Variants in KCNK9 observed in about 807,000 individuals in gnomAD.
KCNK9 encodes potassium channel subfamily K member 9.
A neutral mutation model predicts 10.8 loss-of-function variants in KCNK9; 1 was observed. The ratio of observed to expected loss-of-function variants is 0.09; its 90% CI spans 0.03 to 0.44. The LOEUF (loss-of-function observed/expected upper bound fraction) is 0.44, where lower values mean the gene tolerates loss of function less well. Ranked by LOEUF, KCNK9 falls within the 20% of genes least tolerant of loss-of-function variation. The pLI is 0.97. For synonymous variants in KCNK9, 231 were observed against 222.7 expected (o/e 1.04, Z -0.33); for missense variants, 303 against 515.0 (o/e 0.59, Z 3.98).
At chr8:139,680,549 C>T (rs1204690315) in intron 1 of KCNK9, among the ~76,000 whole-genome samples, 1 of 152,198 alleles carries the variant, frequency 6.6e-6, no homozygotes, top group Non-Finnish European at 1.5e-5. Flanking sequence ...GCTGACGTGG[C>T]CTTCTGTGGC....
chr8:139,638,794 G>A (rs1563729005), intron 1 of KCNK9, among the ~76,000 whole-genome samples: 1 of 152,214 alleles, frequency 6.6e-6, no homozygotes, highest in Non-Finnish European at 1.5e-5. Flanking sequence ...TTCCCTGGGA[G>A]TCCCCAGGTT....
chr8:139,661,987 C>A (rs865827788), intron 1 of KCNK9, among the ~76,000 whole-genome samples: 9 of 152,152 alleles, frequency 5.9e-5, no homozygotes, highest in Admixed American at 3.3e-4. Flanking sequence ...GCTTGGGGAC[C>A]AAGGTGTGTC....
chr8:139,696,410 G>T (rs1385500957), intron 1 of KCNK9, among the ~76,000 whole-genome samples: 1 of 152,192 alleles, frequency 6.6e-6, no homozygotes, highest in Non-Finnish European at 1.5e-5. Context: ...GAAGTGATTG[G>T]GATTGGCTCA....
At chr8:139,644,154 A>G (rs1226915255) in intron 1 of KCNK9, among the ~76,000 whole-genome samples, 1 of 152,194 alleles carries the variant, frequency 6.6e-6, no homozygotes, top group African/African-American at 2.4e-5. Flanking sequence ...TATTGTCCCC[A>G]TCATCCCTGT....
intron 1 of KCNK9, among the ~76,000 whole-genome samples, chr8:139,685,391 T>C (rs1816767552): frequency 6.6e-6 from 1 of 152,214 alleles, no homozygotes; most frequent in Non-Finnish European, 1.5e-5. Context: ...CATCAACTCG[T>C]CGTTTACATT....
At chr8:139,650,622 T>C (rs1414788505) in intron 1 of KCNK9, among the ~76,000 whole-genome samples, 2 of 152,052 alleles carry the variant, frequency 1.3e-5, no homozygotes, top group Non-Finnish European at 2.9e-5. Flanking sequence ...CACTCCAGGG[T>C]CCCTGAGCAT....
At chr8:139,606,331 C>G (rs1306481639) in intron 2 of KCNK9, among the ~76,000 whole-genome samples, 1 of 152,128 alleles carries the variant, frequency 6.6e-6, no homozygotes, top group Non-Finnish European at 1.5e-5. Context: ...ACCCAGGTCC[C>G]CTTACTGCAC....
chr8:139,601,517 C>CTGAGGA (rs1235308435), exon 3 of KCNK9: 1 of 152,222 alleles, frequency 6.6e-6, no homozygotes, highest in East Asian at 1.9e-4. Context: ...TTAAGAGATG[C>CTGAGGA]TGAGGATCCA....
At chr8:139,615,504 G>A (rs1315601775), downstream of KCNK9, among the ~76,000 whole-genome samples, 1 of 152,170 alleles carries the variant, frequency 6.6e-6, no homozygotes, top group East Asian at 1.9e-4. Context: ...ACCACAGCAG[G>A]GGGAAGAGAT....
chr8:139,702,674 G>A lies in KCNK9; in HGVS notation c.283+36C>T. 1.3e-6 allele frequency: 2 copies of A among 1,577,400 alleles called. No homozygotes were observed. Among genetic ancestry groups the A allele is most frequent in the Non-Finnish European group, 8.6e-7 (1 of 1,166,488 alleles). Reference sequence around the variant, plus strand: ...TCAGCCGCCTCCCCGGACTCCTCCCGGGGCGCGGGAGCCCAGCGGCGCGCC... The same window carrying A: ...TCAGCCGCCTCCCCGGACTCCTCCCAGGGCGCGGGAGCCCAGCGGCGCGCC... On this transcript the variant is annotated intron_variant, in intron 1 of 1. Transcript: ENST00000520439. The surrounding 1 kb of genome is among the most constrained non-coding windows in gnomAD (Gnocchi z 7.5).
chr8:139,604,308 A>AC (rs931140266), intron 2 of KCNK9, among the ~76,000 whole-genome samples: 35 of 152,230 alleles, frequency 2.3e-4, no homozygotes, highest in African/African-American at 8.2e-4. Context: ...GACACAATAG[A>AC]CGTGTCAAGT....
Position 139,703,011 on chromosome 8 carries a change from G to C in KCNK9, c.-19C>G. The C allele has an allele frequency of 6.5e-7, 1 of 1,547,106 alleles. No homozygotes were observed. Among genetic ancestry groups the C allele is most frequent in the Non-Finnish European group, 8.7e-7 (1 of 1,149,178 alleles). On this transcript the variant is annotated 5_prime_UTR_variant, in exon 1 of 2. Transcript: ENST00000520439. This position sits in a 1 kb window ranked among gnomAD's most constrained non-coding sequence, Gnocchi z 6.4. ...TCTTCATGGCCGCCAGCAAGGAGCC[G>C]GCGCGGGGGGCATGTCCCGCAGGCT...
intron 1 of KCNK9, among the ~76,000 whole-genome samples, chr8:139,694,145 A>G (rs1277587220): frequency 6.6e-6 from 1 of 152,076 alleles, no homozygotes; most frequent in East Asian, 1.9e-4. Context: ...AGATTAGATC[A>G]GGGGTTCGGC....
intron 1 of KCNK9, among the ~76,000 whole-genome samples, chr8:139,670,849 G>A (rs1208130455): frequency 6.6e-6 from 1 of 152,118 alleles, no homozygotes; most frequent in African/African-American, 2.4e-5. Context: ...TCAAACGTGG[G>A]TGGCCCGCCT....
At chr8:139,642,140 C>T (rs1475598612) in intron 1 of KCNK9, among the ~76,000 whole-genome samples, 2 of 152,184 alleles carry the variant, frequency 1.3e-5, no homozygotes, top group Non-Finnish European at 2.9e-5. Context: ...CCACTTCAGC[C>T]ACTCCTATAA....
At chr8:139,653,303 G>A (rs1277082143) in intron 1 of KCNK9, among the ~76,000 whole-genome samples, 3 of 152,060 alleles carry the variant, frequency 2.0e-5, no homozygotes, top group Non-Finnish European at 4.4e-5. Flanking sequence ...ACACACACTT[G>A]GCTTTATCAT....
At chr8:139,639,353 T>C (rs1447552723) in intron 1 of KCNK9, among the ~76,000 whole-genome samples, 1 of 152,202 alleles carries the variant, frequency 6.6e-6, no homozygotes, top group Non-Finnish European at 1.5e-5. Flanking sequence ...CGCCAAGATG[T>C]GGCCCCGGGT....
exon 3 of KCNK9, chr8:139,601,360 C>T (rs1817365984): frequency 1.3e-5 from 2 of 152,222 alleles, no homozygotes; most frequent in African/African-American, 2.4e-5. Context: ...AATGAGTCGG[C>T]TCTCAGGTGG....
downstream of KCNK9, among the ~76,000 whole-genome samples, chr8:139,613,417 C>T (rs184046615): frequency 1.8e-3 from 267 of 152,228 alleles, no homozygotes; most frequent in Admixed American, 3.3e-3. Flanking sequence ...TTATGCTCAG[C>T]GCTTTGGGGA....
Sources: allele counts gnomAD v4.1 joint callset (sites outside exome capture counted in the v4.1 genomes callset), GRCh38; gene constraint gnomAD v4.1.1; non-coding constraint Gnocchi (gnomAD v3.1); transcripts MANE v1.5; gene names NCBI Gene and HGNC (gene_info 2026-07-23, HGNC 2026-07-21).